The following PUDP variants were observed in gnomAD, a reference collection of about 807,000 sequenced individuals.
PUDP encodes the protein pseudouridine 5'-phosphatase.
A neutral mutation model predicts 9.4 loss-of-function variants in PUDP; 8 were observed. That is an observed-to-expected ratio of 0.85 (90% CI 0.50 to 1.53). The LOEUF (loss-of-function observed/expected upper bound fraction) is 1.53, where lower values mean the gene tolerates loss of function less well. PUDP is among the 40% of genes most tolerant of loss of function. The pLI, the probability that PUDP is intolerant of heterozygous loss-of-function variation, is 0.00. For synonymous variants in PUDP, 99 were observed against 80.7 expected (o/e 1.23, Z -1.22); for missense variants, 188 against 189.7 (o/e 0.99, Z 0.05).
chrX:7,126,030 T>G (rs1886261781), intron 1 of PUDP, among the ~76,000 whole-genome samples: 1 of 111,205 alleles, frequency 9.0e-6, no homozygotes, highest in South Asian at 3.9e-4. Flanking sequence ...TATATGCATA[T>G]ATATGAAGAT....
intron 3 of PUDP, among the ~76,000 whole-genome samples, chrX:6,913,109 C>T (rs1483439659): frequency 9.0e-6 from 1 of 111,334 alleles, no homozygotes; most frequent in Non-Finnish European, 1.9e-5. Flanking sequence ...CTTACAAATC[C>T]TAGGGCCTAT....
intron 3 of PUDP, among the ~76,000 whole-genome samples, chrX:6,914,023 C>G (rs897452908): frequency 9.2e-6 from 1 of 108,874 alleles, no homozygotes; most frequent in Non-Finnish European, 1.9e-5. Flanking sequence ...AAAAATTAGC[C>G]GGGCGTGGTG....
In PUDP at chrX:7,022,450, C is replaced by T. The variant is rs1245584693; in HGVS notation, c.205-44107G>A. On this transcript the variant is annotated intron_variant and NMD_transcript_variant, in intron 1 of 3. Transcript: ENST00000655425. ...TAGCTACATGATGGGCTAAATGTAT[C>T]CTCAAGTTTCCTCTGTAGAGGTTGG... Among the ~76,000 whole-genome samples, 3 of 111,583 alleles carry T rather than the reference C, an allele frequency of 2.7e-5. No individual in the cohort carries two copies. In the Admixed American group the frequency reaches 2.9e-4, roughly 11 times the overall value.
intron 3 of PUDP, among the ~76,000 whole-genome samples, chrX:7,056,522 T>C (rs1930247909): frequency 8.9e-6 from 1 of 111,805 alleles, no homozygotes; most frequent in Non-Finnish European, 1.9e-5. Flanking sequence ...CATTTTGTAG[T>C]GTATTTAGTG....
In PUDP at chrX:7,009,573, T is replaced by C. The variant is rs137925703; in HGVS notation, c.205-31230A>G. Among the ~76,000 whole-genome samples, 8 of 111,777 alleles carry C rather than the reference T, an allele frequency of 7.2e-5. No individual in the cohort carries two copies. The East Asian group carries it at 2.3e-3, about 31-fold the overall frequency. Reference sequence around the variant, plus strand: ...ATCAATCTAGCAAGGAACTTTATGATGAAGGACCAATGTAAGCATAGAATG... The same window carrying C: ...ATCAATCTAGCAAGGAACTTTATGACGAAGGACCAATGTAAGCATAGAATG... On this transcript the variant is annotated intron_variant and NMD_transcript_variant, in intron 1 of 3. Coordinates refer to the PUDP transcript ENST00000655425.
At position 7,059,178 on chromosome X, in the gene PUDP, TTC is replaced by T. The variant is rs780769449; in HGVS notation, c.511-8708_511-8707del. On this transcript the variant is annotated intron_variant, in intron 3 of 3. Coordinates refer to ENST00000381077, the MANE Select transcript of PUDP (RefSeq NM_012080.5). ...GTGGGCAGGAAAGCTTCCTAACGAA[TTC>T]TCTCTGTGTCATTTTACTCAATAAA... 8.0e-3 allele frequency among the ~76,000 whole-genome samples: 893 copies of T among 111,745 alleles called. 6 individuals carry two copies. The highest frequency in any genetic ancestry group is 0.014 in the Non-Finnish European group (719 of 53,142).
At chrX:7,018,882 C>CTATA (rs1929589368) in intron 1 of PUDP, among the ~76,000 whole-genome samples, 1 of 112,144 alleles carries the variant, frequency 8.9e-6, no homozygotes, top group African/African-American at 3.2e-5. Context: ...AGATTGATAA[C>CTATA]GTTCACTAAA....
intron 3 of PUDP, among the ~76,000 whole-genome samples, chrX:6,879,066 C>G (rs923900446): frequency 7.2e-5 from 8 of 111,379 alleles, no homozygotes; most frequent in African/African-American, 2.6e-4. Context: ...ATTGAATAGC[C>G]TCCTAGATGG....
intron 1 of PUDP, among the ~76,000 whole-genome samples, chrX:7,133,065 T>G (rs1569168626): frequency 8.9e-6 from 1 of 112,254 alleles, no homozygotes; most frequent in East Asian, 2.8e-4. Context: ...TGGCAAGGAA[T>G]TGAAGACTGG....
intron 1 of PUDP, among the ~76,000 whole-genome samples, chrX:6,997,052 TAAAC>T (rs765386573): frequency 8.9e-6 from 1 of 111,822 alleles, no homozygotes; most frequent in Non-Finnish European, 1.9e-5. Flanking sequence ...AATAAATAAA[TAAAC>T]AAAATGCAAC....
intron 3 of PUDP, among the ~76,000 whole-genome samples, chrX:6,882,341 T>C (rs749323597): frequency 9.0e-6 from 1 of 111,339 alleles, no homozygotes; most frequent in Non-Finnish European, 1.9e-5. Flanking sequence ...CACAGGAAAG[T>C]GTTATTGTTT....
At chrX:6,862,561 G>A (rs759813674) in intron 3 of PUDP, among the ~76,000 whole-genome samples, 6 of 111,643 alleles carry the variant, frequency 5.4e-5, no homozygotes, top group Non-Finnish European at 7.5e-5. Flanking sequence ...TAAAAGGGAC[G>A]GGGTTTTTCC....
At chrX:6,854,811 T>C (rs1047488445) in intron 3 of PUDP, among the ~76,000 whole-genome samples, 14 of 109,116 alleles carry the variant, frequency 1.3e-4, no homozygotes, top group Non-Finnish European at 1.7e-4. Flanking sequence ...AAGGGGTTAG[T>C]CTTGCTGTCA....
chrX:7,028,391 C>T (rs1329199424), intron 1 of PUDP, among the ~76,000 whole-genome samples: 1 of 110,944 alleles, frequency 9.0e-6, no homozygotes, highest in African/African-American at 3.3e-5. Flanking sequence ...AGCCAAGTTA[C>T]CCTGCCCAGT....
At chrX:6,727,239 A>G (rs1176721583) in intron 3 of PUDP, among the ~76,000 whole-genome samples, 3 of 107,793 alleles carry the variant, frequency 2.8e-5, no homozygotes, top group Non-Finnish European at 5.7e-5. Context: ...AGATGGAGAG[A>G]AAGAGAGATT....
rs1189121540 is a variant in PUDP at position 6,954,425 on chromosome X, T to C, written c.*247+22708A>G. Among the ~76,000 whole-genome samples the C allele has an allele frequency of 6.3e-5, 7 of 110,789 alleles. No individual in the cohort carries two copies. In the Admixed American group the frequency reaches 6.8e-4, roughly 11 times the overall value. On this transcript the variant is annotated intron_variant and NMD_transcript_variant, in intron 3 of 3. Coordinates refer to the PUDP transcript ENST00000655425. ...CAGCATCCTGGCTGGAACCATGCAC[T>C]GCATCCTTCTCACCACATACTGGCT...
At chrX:7,078,703 G>A (rs183932540) in intron 2 of PUDP, among the ~76,000 whole-genome samples, 3 of 111,696 alleles carry the variant, frequency 2.7e-5, no homozygotes, top group Admixed American at 9.5e-5. Flanking sequence ...CATTTTTTCC[G>A]AACACCTACA....
rs997335594 is a variant in PUDP, at chrX:6,792,406, G to A, written c.*248-85940C>T. ...AAACTTGGCACTTGGGAAAACAGCA[G>A]AAGCCGGCCATAGATACTAGAAAAA... On this transcript the variant is annotated intron_variant and NMD_transcript_variant, in intron 3 of 3. Coordinates refer to the PUDP transcript ENST00000655425. Among the ~76,000 whole-genome samples the A allele has an allele frequency of 3.7e-5, 4 of 109,055 alleles. No homozygotes were observed. In the East Asian group the frequency reaches 1.2e-3, roughly 31 times the overall value. 94.7% of individuals were successfully genotyped at this position (109,055 alleles called of 115,157 possible).
chrX:6,707,378 C>T (rs948978111), intron 1 of PUDP, among the ~76,000 whole-genome samples: 2 of 111,527 alleles, frequency 1.8e-5, no homozygotes, highest in African/African-American at 6.5e-5. Context: ...CAGGATGATT[C>T]AAGTGCATTA....
Sources: gnomAD v4.1 joint callset for allele counts (sites outside exome capture counted in the v4.1 genomes callset) on GRCh38, gnomAD v4.1.1 for gene constraint, MANE v1.5 for transcripts, NCBI Gene and HGNC (gene_info 2026-07-23, HGNC 2026-07-21) for gene names.